CROCC2: variants seen among roughly 807,000 people sequenced by gnomAD.
CROCC2 encodes the protein ciliary rootlet coiled-coil protein 2.
A neutral mutation model predicts 177.6 loss-of-function variants in CROCC2; 163 were observed. That is an observed-to-expected ratio of 0.92 (90% confidence interval 0.81 to 1.05). The LOEUF (loss-of-function observed/expected upper bound fraction) is 1.05, where lower values mean the gene tolerates loss of function less well. CROCC2 is among the 50% of genes least tolerant of loss of function. The pLI is 0.00. For synonymous variants in CROCC2, 904 were observed against 787.3 expected (o/e 1.15, Z -2.48); for missense variants, 1,929 against 1,797.8 (o/e 1.07, Z -1.32).
chr2:240,948,885 C>A (rs1228757214), intron 15 of CROCC2, 94 bp from the exon 16 acceptor site: 12 of 1,132,334 alleles, frequency 1.1e-5, no homozygotes, highest in Non-Finnish European at 1.5e-5. Context: ...TGCATTTCAG[C>A]TGAGTCTCAT....
At chr2:240,930,018 G>A in intron 5 of CROCC2, 148 bp from the exon 6 acceptor site, 1 of 538,364 alleles carries the variant, frequency 1.9e-6, no homozygotes, top group South Asian at 3.3e-5. Flanking sequence ...GGAGCCCAGG[G>A]CTCATTTGCC....
At chr2:240,984,227 C>A (rs1385887520) in intron 28 of CROCC2, among the ~76,000 whole-genome samples, 1 of 152,118 alleles carries the variant, frequency 6.6e-6, no homozygotes, top group Non-Finnish European at 1.5e-5. Context: ...ACCCTGCTGG[C>A]GGGTGGGTGA....
chr2:240,962,212 A>T (rs911189950), intron 20 of CROCC2, among the ~76,000 whole-genome samples: 13 of 151,860 alleles, frequency 8.6e-5, no homozygotes, highest in Admixed American at 1.3e-4. Context: ...GCAAAGAAAT[A>T]ATTATTATAA....
rs567469173 is a variant in CROCC2, at chr2:240,982,789, G to A, written c.4402-91G>A. 34 of 1,133,134 alleles carry A rather than the reference G, an allele frequency of 3.0e-5. No individual in the cohort carries two copies. Among genetic ancestry groups the A allele is most frequent in the Admixed American group, 1.8e-4 (7 of 37,928 alleles). The allele number at this position is 1,133,134 out of a possible 1,614,324, so 70.2% of individuals were successfully genotyped here. The stretch of plus-strand genomic sequence containing the variant: ...TCCCAGCGATACGGTCCTGCCAGAC[G>A]GTCTAGGCAGATGCCCTGAGGCCAG... On this transcript the variant is annotated intron_variant, in intron 27 of 31. Transcript: ENST00000690015. The surrounding 1 kb of genome is among the most constrained non-coding windows in gnomAD (Gnocchi z 4.7).
Position 240,946,254 on chromosome 2 carries a change from G to A in CROCC2, c.2363+1G>A, listed in dbSNP as rs2059523746. On this transcript the variant is annotated splice_donor_variant, in intron 15 of 31. Coordinates refer to ENST00000690015, the MANE Select transcript of CROCC2 (RefSeq NM_001351305.2). LOFTEE classifies it high-confidence loss of function. ...CAGCTGAAGAGGCAGCTGATCTCAG[G>A]TATGCAAGGGCCTGCCAGTCAGGGC... 6.6e-7 allele frequency: 1 copy of A among 1,523,968 alleles called. No individual in the cohort carries two copies. 94.4% of individuals were successfully genotyped at this position (1,523,968 alleles called of 1,614,324 possible).
intron 2 of CROCC2, among the ~76,000 whole-genome samples, 154 bp downstream of exon 2, chr2:240,919,030 CCGGGGCTGGG>C (rs2059339451): frequency 7.8e-5 from 2 of 25,604 alleles, no homozygotes; most frequent in Non-Finnish European, 1.7e-4. Flanking sequence ...AGTCCTGGGC[CCGGGGCTGGG>C]CAAGGTGATG....
chr2:240,929,866 C>T (rs949510767), intron 5 of CROCC2, among the ~76,000 whole-genome samples: 2 of 152,308 alleles, frequency 1.3e-5, no homozygotes, highest in African/African-American at 2.4e-5. Context: ...GCGACTGAGT[C>T]AGCACCTTCT....
rs73107818 is a variant in CROCC2 at position 240,944,882 on chromosome 2, G to A, written c.2170-1178G>A. Among the ~76,000 whole-genome samples, 1,225 of 152,160 alleles carry A rather than the reference G, an allele frequency of 8.1e-3. 10 individuals carry two copies. The highest frequency in any genetic ancestry group is 0.023 in the African/African-American group (957 of 41,496). ...TAATAAATTATAGAAATAATTTGAG[G>A]ATCTTGATGATGCGATTCTTCTTCC... On this transcript the variant is annotated intron_variant, in intron 14 of 31. Transcript: ENST00000690015.
intron 14 of CROCC2, among the ~76,000 whole-genome samples, chr2:240,941,364 A>G (rs1262394173): frequency 6.6e-6 from 1 of 152,204 alleles, no homozygotes; most frequent in Non-Finnish European, 1.5e-5. Flanking sequence ...AAAAGAAGCC[A>G]CAGAGCCAAA....
rs887599039 is a variant in CROCC2 at position 240,949,629 on chromosome 2, G to A, written c.2579G>A (p.Arg860Gln). Residue 860 changes from arginine (R) to glutamine (Q), a missense_variant, in exon 17 of 32, where the codon CGG (arginine) becomes CAG (glutamine). This residue lies in a region of CROCC2 where 1,397 missense variants were observed against 1,239.9 expected (regional missense o/e 1.13). Coordinates refer to ENST00000690015, the MANE Select transcript of CROCC2 (RefSeq NM_001351305.2). This position sits in a 1 kb window ranked among gnomAD's most constrained non-coding sequence, Gnocchi z 4.5. ...RLQRQVAQQE[R>Q]EAQRALESQA... ...CAGCGACAGGTGGCACAGCAGGAGC[G>A]GGAGGCACAGCGGGCCCTGGAGAGC... 2.8e-5 allele frequency: 44 copies of A among 1,550,436 alleles called. No individual in the cohort carries two copies. The highest frequency in any genetic ancestry group is 2.2e-4 in the Admixed American group (11 of 50,994).
intron 14 of CROCC2, among the ~76,000 whole-genome samples, chr2:240,942,301 ACACT>A (rs1189054472): frequency 1.3e-5 from 2 of 152,206 alleles, no homozygotes; most frequent in African/African-American, 2.4e-5. Context: ...TCACACACAC[ACACT>A]CAATCATCTT....
At chr2:240,932,656 C>T in intron 8 of CROCC2, 46 bp from the exon 9 acceptor site, 1 of 719,402 alleles carries the variant, frequency 1.4e-6, no homozygotes. Flanking sequence ...CAAATCATGG[C>T]CCTGTGCTCT....
rs548846216 is a variant in CROCC2, at chr2:240,946,178, G to T, written c.2288G>T (p.Arg763Leu). 2 of 1,547,808 alleles carry T rather than the reference G, an allele frequency of 1.3e-6. No homozygotes were observed. The highest frequency in any genetic ancestry group is 2.4e-5 in the East Asian group (1 of 40,820). The change falls in exon 15 of 32, where the codon CGG (arginine) becomes CTG (leucine). Residue 763 changes from arginine to leucine, a missense_variant. Physicochemically the swap from Arg to Leu is moderately radical, Grantham distance 102. This residue lies in a region of CROCC2 where 1,397 missense variants were observed against 1,239.9 expected (regional missense o/e 1.13). Coordinates refer to ENST00000690015, the MANE Select transcript of CROCC2 (RefSeq NM_001351305.2). ...GGAAAGGATGCTCTGTCTGAGGAGC[G>T]GGCCCAGCTGCTGGCCAAGCAGGAG... Reference protein sequence around the residue: ...LQGKDALSEERAQLLAKQEAL... With the variant: ...LQGKDALSEELAQLLAKQEAL...
Position 240,968,188 on chromosome 2 carries a change from G to C in CROCC2, c.4327G>C (p.Glu1443Gln), listed in dbSNP as rs1394714505. The C allele has an allele frequency of 1.3e-6, 2 of 1,532,422 alleles. No individual in the cohort carries two copies. The highest frequency in any genetic ancestry group is 2.7e-5 in the African/African-American group (2 of 72,922). The allele number at this position is 1,532,422 out of a possible 1,614,324, so 94.9% of individuals were successfully genotyped here. A position where few individuals can be genotyped will look rare whatever the true frequency, so the allele number is the denominator to read the frequency against. The change falls in exon 27 of 32, where the codon GAG becomes CAG. Residue 1443 changes from glutamate (E) to glutamine (Q), a missense_variant. By Grantham distance (29) the Glu-to-Gln change is conservative. Around this residue, in one of 3 missense-constraint regions of CROCC2, gnomAD observed 388 missense variants for 352.7 expected, o/e 1.10. Coordinates refer to ENST00000690015, the MANE Select transcript of CROCC2 (RefSeq NM_001351305.2). ...CCGGGCAGCACGTGCCCTGCAGAAGGAGGCGCTCCGCAGGCTGGAGTTGGA... is the reference window on the plus strand; with the variant it reads ...CCGGGCAGCACGTGCCCTGCAGAAGCAGGCGCTCCGCAGGCTGGAGTTGGA... ...SARAARALQK[E>Q]ALRRLELEHL...
rs1259697163 is a variant in CROCC2, at chr2:240,963,780, C to T, written c.3305+7C>T. The T allele has an allele frequency of 1.0e-5, 16 of 1,546,524 alleles. No homozygotes were observed. Among genetic ancestry groups the T allele is most frequent in the East Asian group, 2.4e-5 (1 of 40,834 alleles). Reference sequence around the variant, plus strand: ...CCGAACAGGAGAAGGCCAGGTATGGCGGCCACCCAGGAGCAGCTGGGGGTG... The same window carrying T: ...CCGAACAGGAGAAGGCCAGGTATGGTGGCCACCCAGGAGCAGCTGGGGGTG... On this transcript the variant is annotated splice_region_variant and intron_variant, in intron 21 of 31. Transcript: ENST00000690015.
chr2:240,931,958 T>C (rs1001411827), intron 7 of CROCC2, among the ~76,000 whole-genome samples: 3 of 152,234 alleles, frequency 2.0e-5, no homozygotes, highest in South Asian at 2.1e-4. Context: ...AAATTACTTA[T>C]TGTTAGACTA....
chr2:240,966,965 G>T (rs1378526046), intron 25 of CROCC2, among the ~76,000 whole-genome samples: 1 of 151,868 alleles, frequency 6.6e-6, no homozygotes, highest in African/African-American at 2.4e-5. Context: ...ACCGCTGCCA[G>T]CCCCAGGGGG....
intron 14 of CROCC2, among the ~76,000 whole-genome samples, chr2:240,941,327 A>G (rs1456634157): frequency 6.6e-6 from 1 of 152,208 alleles, no homozygotes; most frequent in Non-Finnish European, 1.5e-5. Flanking sequence ...GAACTAGAAA[A>G]AAATCCTAAA....
At chr2:240,928,675 C>T (rs542373314) in intron 5 of CROCC2, among the ~76,000 whole-genome samples, 3 of 152,304 alleles carry the variant, frequency 2.0e-5, no homozygotes, top group South Asian at 2.1e-4. Flanking sequence ...GGAGGCGGTG[C>T]GGCTGAAGCA....
Sources: gnomAD v4.1 joint callset for allele counts (sites outside exome capture counted in the v4.1 genomes callset) on GRCh38, gnomAD v4.1.1 for gene constraint, gnomAD v4.1.1 regional missense constraint, Gnocchi (gnomAD v3.1) non-coding constraint, MANE v1.5 for transcripts, NCBI Gene and HGNC (gene_info 2026-07-23, HGNC 2026-07-21) for gene names.